AACS: variants seen among roughly 807,000 people sequenced by gnomAD.
AACS encodes acetoacetate-CoA ligase.
Under a neutral mutation model 83.1 loss-of-function variants are expected in AACS, and 69 were observed. That is an observed-to-expected ratio of 0.83 (90% CI 0.68 to 1.01). The LOEUF (loss-of-function observed/expected upper bound fraction) is 1.01, where lower values mean the gene tolerates loss of function less well. Among genes scored for constraint, AACS ranks in the 50% least tolerant of loss-of-function variants. The pLI is 0.00. For missense variants in AACS, 866 were observed against 882.2 expected (o/e 0.98, Z 0.23); for synonymous variants, 333 against 343.4 (o/e 0.97, Z 0.33).
At chr12:125,095,279 G>C (rs1376468582) in intron 5 of AACS, among the ~76,000 whole-genome samples, 2 of 152,200 alleles carry the variant, frequency 1.3e-5, no homozygotes, top group Non-Finnish European at 2.9e-5. Context: ...GAAAACTTCA[G>C]CTGTGTCAGA....
chr12:125,127,956 C>T, intron 12 of AACS: 1 of 407,318 alleles, frequency 2.5e-6, no homozygotes, highest in Admixed American at 4.2e-5. Flanking sequence ...ACGTCAATCA[C>T]CAGATGTGGG....
intron 2 of AACS, among the ~76,000 whole-genome samples, chr12:125,076,191 G>T (rs959112338): frequency 3.9e-5 from 6 of 152,228 alleles, no homozygotes; most frequent in African/African-American, 1.4e-4. Context: ...GACGTGTTGG[G>T]TGTCGTCTTT....
chr12:125,138,414 T>G (rs1345253329), intron 17 of AACS: 1 of 152,270 alleles, frequency 6.6e-6, no homozygotes, highest in Non-Finnish European at 1.5e-5. Context: ...CTTGAATCAG[T>G]GACCCTTATT....
chr12:125,077,509 CA>C (rs34406989), intron 3 of AACS, among the ~76,000 whole-genome samples: 6,990 of 69,702 alleles, frequency 0.1, 201 homozygotes, highest in Middle Eastern at 0.22. Flanking sequence ...GACTCTGTCT[CA>C]AAAAAAAAAA....
At chr12:125,117,714 G>A (rs1957079752) in intron 9 of AACS, 2 of 152,384 alleles carry the variant, frequency 1.3e-5, no homozygotes, top group Admixed American at 6.5e-5. Flanking sequence ...GGCTAGGTGT[G>A]ATGGCTTATG....
intron 16 of AACS, chr12:125,135,642 T>C (rs749753303): frequency 6.6e-6 from 1 of 152,282 alleles, no homozygotes; most frequent in Non-Finnish European, 1.5e-5. Context: ...CCTAAACTTA[T>C]GTCAAGGTCG....
Position 125,097,821 on chromosome 12 carries a change from C to T in AACS, c.571-4858C>T, listed in dbSNP as rs1436744426. Among the ~76,000 whole-genome samples the T allele has an allele frequency of 6.6e-6, 1 of 152,178 alleles. No individual in the cohort carries two copies. The highest frequency in any genetic ancestry group is 1.5e-5 in the Non-Finnish European group (1 of 68,034). On this transcript the variant is annotated intron_variant, in intron 5 of 17. Coordinates refer to ENST00000316519, the MANE Select transcript of AACS (RefSeq NM_023928.5). This position sits in a 1 kb window ranked among gnomAD's most constrained non-coding sequence, Gnocchi z 4.3. ...CTACAACCCTGCCAAACCAGGAGCT[C>T]GGGCTGTGCGCCACACCCTTTCACT... is the stretch of plus-strand genomic sequence containing the variant.
intron 3 of AACS, among the ~76,000 whole-genome samples, chr12:125,077,907 C>T (rs1956068602): frequency 6.6e-6 from 1 of 152,058 alleles, no homozygotes; most frequent in South Asian, 2.1e-4. Flanking sequence ...TGGGGTTTCC[C>T]CATGTTGGCC....
At chr12:125,098,822 G>C (rs1956665443) in intron 5 of AACS, among the ~76,000 whole-genome samples, 2 of 152,170 alleles carry the variant, frequency 1.3e-5, no homozygotes, top group Admixed American at 6.5e-5. Context: ...AGTTATATGT[G>C]GCCACCTTGC....
intron 1 of AACS, among the ~76,000 whole-genome samples, chr12:125,067,440 G>A (rs972182405): frequency 1.3e-5 from 2 of 152,156 alleles, no homozygotes; most frequent in African/African-American, 4.8e-5. Flanking sequence ...TAGCCCTGAT[G>A]TTATGAAATA....
chr12:125,125,114 G>A (rs1957226659), intron 12 of AACS, 90 bp downstream of exon 12: 1 of 1,572,302 alleles, frequency 6.4e-7, no homozygotes, highest in African/African-American at 1.3e-5. Context: ...TTCATCCCAA[G>A]GACACAGTCC....
chr12:125,100,459 A>G (rs187702463), intron 5 of AACS, among the ~76,000 whole-genome samples: 1 of 152,340 alleles, frequency 6.6e-6, no homozygotes, highest in Non-Finnish European at 1.5e-5. Flanking sequence ...GATAGATCGT[A>G]TGTTCTGGGG....
intron 14 of AACS, among the ~76,000 whole-genome samples, chr12:125,132,126 A>G (rs1004903687): frequency 2.0e-5 from 3 of 152,202 alleles, no homozygotes; most frequent in Non-Finnish European, 4.4e-5. Flanking sequence ...AGAAAGGAAG[A>G]CATCGTTTCT....
Position 125,065,726 on chromosome 12 carries a change from C to T in AACS, c.133+9C>T, listed in dbSNP as rs946930624. 2.0e-6 allele frequency: 3 copies of T among 1,524,388 alleles called. No homozygotes were observed. Among genetic ancestry groups the T allele is most frequent in the Non-Finnish European group, 2.6e-6 (3 of 1,136,434 alleles). 94.4% of individuals were successfully genotyped at this position (1,524,388 alleles called of 1,614,324 possible). ...CTGCGGCCTGGCGCTGGGTGAGAGTCGGGCGCGCGGCCGGGCCTGCGGGGG... is the reference window on the plus strand; with the variant it reads ...CTGCGGCCTGGCGCTGGGTGAGAGTTGGGCGCGCGGCCGGGCCTGCGGGGG... On this transcript the variant is annotated intron_variant, in intron 1 of 17. Coordinates refer to ENST00000316519, the MANE Select transcript of AACS (RefSeq NM_023928.5).
At chr12:125,112,888 G>T (rs1405777503) in intron 8 of AACS, among the ~76,000 whole-genome samples, 3 of 152,176 alleles carry the variant, frequency 2.0e-5, no homozygotes, top group Admixed American at 6.5e-5. Flanking sequence ...GATCGCATGA[G>T]ACTTATTTGC....
At position 125,142,546 on chromosome 12, in the gene AACS, C is replaced by T. The variant is rs937869042; in HGVS notation, c.*317C>T. On this transcript the variant is annotated 3_prime_UTR_variant, in exon 18 of 18. Coordinates refer to ENST00000316519, the MANE Select transcript of AACS (RefSeq NM_023928.5). ...CTGGCTGGTGCTGAAGACAGACACACTCCTGAGCCAAGGTCTTGTCTTCAA... is the reference window on the plus strand; with the variant it reads ...CTGGCTGGTGCTGAAGACAGACACATTCCTGAGCCAAGGTCTTGTCTTCAA... 6 of 269,276 alleles carry T rather than the reference C, an allele frequency of 2.2e-5. No homozygotes were observed. Among genetic ancestry groups the T allele is most frequent in the African/African-American group, 8.7e-5 (4 of 45,912 alleles). 16.7% of individuals were successfully genotyped at this position (269,276 alleles called of 1,614,324 possible). A position where few individuals can be genotyped will look rare whatever the true frequency, so the allele number is the denominator to read the frequency against.
chr12:125,070,915 TG>T (rs1955844257), intron 1 of AACS, among the ~76,000 whole-genome samples: 3 of 152,208 alleles, frequency 2.0e-5, no homozygotes, highest in African/African-American at 7.2e-5. Context: ...TAATCCTCAC[TG>T]TGTGGTGTGG....
At chr12:125,110,049 C>T (rs914168586) in intron 8 of AACS, among the ~76,000 whole-genome samples, 4 of 151,520 alleles carry the variant, frequency 2.6e-5, no homozygotes, top group Non-Finnish European at 5.9e-5. Context: ...GGTGGAGTCC[C>T]GGCACTGTCA....
Position 125,142,307 on chromosome 12 carries a change from C to T in AACS, c.*78C>T. On this transcript the variant is annotated 3_prime_UTR_variant, in exon 18 of 18. Transcript: ENST00000316519. ...GTGTGCTCAAGAAATTATACAGAAA[C>T]CTACAGCTGTTGTAAAAGGATGCTC... is the stretch of plus-strand genomic sequence containing the variant. 1 of 1,563,494 alleles carries T rather than the reference C, an allele frequency of 6.4e-7. No homozygotes were observed. The highest frequency in any genetic ancestry group is 8.7e-7 in the Non-Finnish European group (1 of 1,148,930).
Sources: gnomAD v4.1 joint callset for allele counts (sites outside exome capture counted in the v4.1 genomes callset) on GRCh38, gnomAD v4.1.1 for gene constraint, Gnocchi (gnomAD v3.1) non-coding constraint, MANE v1.5 for transcripts, NCBI Gene and HGNC (gene_info 2026-07-23, HGNC 2026-07-21) for gene names.